Variants in MYO10 observed in about 807,000 individuals in gnomAD.
MYO10 encodes unconventional myosin-X.
A neutral mutation model predicts 257.3 loss-of-function variants in MYO10; 133 were observed. That is an observed-to-expected ratio of 0.52 (90% CI 0.45 to 0.60). MYO10 has a LOEUF of 0.60. MYO10 is among the 20% of genes least tolerant of loss of function. MYO10 has a pLI of 0.00. For missense variants in MYO10, 2,399 were observed against 2,635.7 expected (o/e 0.91, Z 1.97); for synonymous variants, 1,104 against 1,028.6 (o/e 1.07, Z -1.40).
Position 16,699,589 on chromosome 5 carries a change from G to T in MYO10, c.3433-16C>A. ...TATCTTCAAACTGGACCGAGAGAGA[G>T]AAGCCAACGGTGAGGGAAAAGGCCA... On this transcript the variant is annotated splice_polypyrimidine_tract_variant and intron_variant, in intron 25 of 40. Coordinates refer to ENST00000513610, the MANE Select transcript of MYO10 (RefSeq NM_012334.3). The T allele has an allele frequency of 6.2e-7, 1 of 1,613,080 alleles. No homozygotes were observed. Among genetic ancestry groups the T allele is most frequent in the Non-Finnish European group, 8.5e-7 (1 of 1,179,814 alleles).
At chr5:16,816,114 G>A (rs1318680778) in intron 3 of MYO10, among the ~76,000 whole-genome samples, 21 of 151,586 alleles carry the variant, frequency 1.4e-4, no homozygotes, top group African/African-American at 3.1e-4. Flanking sequence ...AGGCCGAGGC[G>A]GGCGGATCAC....
intron 2 of MYO10, among the ~76,000 whole-genome samples, chr5:16,847,676 G>C (rs1214572304): frequency 6.6e-6 from 1 of 152,096 alleles, no homozygotes; most frequent in Non-Finnish European, 1.5e-5. Flanking sequence ...ACTGGAGTGA[G>C]TCGTGATTGT....
chr5:16,714,161 T>C (rs2126584186), intron 19 of MYO10, among the ~76,000 whole-genome samples: 1 of 152,252 alleles, frequency 6.6e-6, no homozygotes, highest in East Asian at 1.9e-4. Flanking sequence ...GCGGAAAGCC[T>C]AATATTAAAC....
rs926942074 is a variant in MYO10 at position 16,777,796 on chromosome 5, G to T, written c.930+1749C>A. Among the ~76,000 whole-genome samples the T allele has an allele frequency of 3.5e-5, 5 of 142,000 alleles. No individual in the cohort carries two copies. The East Asian group carries it at 1.2e-3, about 34-fold the overall frequency. The allele number at this position is 142,000 out of a possible 152,430, so 93.2% of individuals were successfully genotyped here. A position where few individuals can be genotyped will look rare whatever the true frequency, so the allele number is the denominator to read the frequency against. On this transcript the variant is annotated intron_variant, in intron 9 of 40. Coordinates refer to ENST00000513610, the MANE Select transcript of MYO10 (RefSeq NM_012334.3). ...ACTAAATGTCAGCTGCATTTGTGAT[G>T]ATTAGAATGATAATGACGCCACCCT...
chr5:16,878,039 T>C (rs1439742481), intron 1 of MYO10, among the ~76,000 whole-genome samples: 1 of 152,158 alleles, frequency 6.6e-6, no homozygotes, highest in Non-Finnish European at 1.5e-5. Flanking sequence ...ATTTTACAGA[T>C]GGAGAACCAG....
chr5:16,697,250 G>A (rs1228584532), intron 26 of MYO10, among the ~76,000 whole-genome samples: 1 of 151,948 alleles, frequency 6.6e-6, no homozygotes, highest in South Asian at 2.1e-4. Flanking sequence ...TTTTCTAAGA[G>A]GAGCAGGTGA....
intron 1 of MYO10, among the ~76,000 whole-genome samples, chr5:16,934,835 G>A (rs957578022): frequency 6.6e-6 from 1 of 152,198 alleles, no homozygotes; most frequent in Non-Finnish European, 1.5e-5. Flanking sequence ...CTAACACAGA[G>A]GCAAGCCCTC....
At chr5:16,766,317 T>C (rs933534327) in intron 10 of MYO10, 119 bp from the exon 11 acceptor site, 40 of 722,316 alleles carry the variant, frequency 5.5e-5, no homozygotes, top group South Asian at 3.4e-5. Flanking sequence ...AGAGATTGCA[T>C]GTTATTGCTA....
intron 2 of MYO10, among the ~76,000 whole-genome samples, chr5:16,874,724 A>G (rs1744550218): frequency 1.3e-5 from 2 of 152,166 alleles, no homozygotes; most frequent in Non-Finnish European, 2.9e-5. Context: ...AAACTTCCCC[A>G]CATTTTCCTG....
At chr5:16,898,943 T>TA (rs1270896059) in intron 1 of MYO10, among the ~76,000 whole-genome samples, 1 of 69,972 alleles carries the variant, frequency 1.4e-5, no homozygotes, top group African/African-American at 4.1e-5. Flanking sequence ...CCTGGCCACC[T>TA]GGCCAACATG....
intron 17 of MYO10, 134 bp from the exon 18 acceptor site, chr5:16,758,360 G>T: frequency 1.5e-6 from 1 of 649,682 alleles, no homozygotes; most frequent in Non-Finnish European, 2.7e-6. Flanking sequence ...AACTAAGACA[G>T]CTTCCAAAGA....
intron 1 of MYO10, among the ~76,000 whole-genome samples, chr5:16,933,049 G>A (rs1746332733): frequency 6.6e-6 from 1 of 152,156 alleles, no homozygotes; most frequent in Admixed American, 6.5e-5. Context: ...TTGAGCCACC[G>A]CACCCGGCCA....
At chr5:16,890,886 T>C (rs1217177601) in intron 1 of MYO10, among the ~76,000 whole-genome samples, 2 of 151,794 alleles carry the variant, frequency 1.3e-5, no homozygotes, top group Non-Finnish European at 2.9e-5. Context: ...ATACATGCTA[T>C]AACATGGATG....
chr5:16,767,370 G>A (rs1033679111), intron 10 of MYO10, among the ~76,000 whole-genome samples: 4 of 151,240 alleles, frequency 2.6e-5, no homozygotes, highest in East Asian at 2.0e-4. Context: ...GGGTTTCACC[G>A]TATCGGCCTG....
chr5:16,877,799 T>G, intron 1 of MYO10, 92 bp from the exon 2 acceptor site: 1 of 897,566 alleles, frequency 1.1e-6, no homozygotes, highest in Non-Finnish European at 1.7e-6. Context: ...CTATATTCCT[T>G]TAAAAAAAAT....
Position 16,902,599 on chromosome 5 carries a change from G to A in MYO10, c.22-24892C>T, listed in dbSNP as rs61749526. ...CAGCGAATAGGCTGCACGTGGCCGC[G>A]GCCCTTTTTGGCACGACCATTGTTC... On this transcript the variant is annotated intron_variant, in intron 1 of 40. Coordinates refer to ENST00000513610, the MANE Select transcript of MYO10 (RefSeq NM_012334.3). The A allele has an allele frequency of 3.4e-4, 524 of 1,561,942 alleles. 1 individual carries two copies. The highest frequency in any genetic ancestry group is 4.2e-4 in the Non-Finnish European group (487 of 1,146,542).
intron 1 of MYO10, among the ~76,000 whole-genome samples, chr5:16,880,011 C>T (rs6882539): frequency 0.19 from 28,607 of 151,906 alleles, 4,980 homozygotes; most frequent in African/African-American, 0.46. Context: ...AACCGCGTGT[C>T]TACCAAAAAA....
chr5:16,678,069 C>G (rs27501), intron 33 of MYO10, among the ~76,000 whole-genome samples: 61,821 of 151,996 alleles, frequency 0.41, 13,299 homozygotes, highest in African/African-American at 0.55. Context: ...CTGAAAAATC[C>G]TATGTACTCT....
At chr5:16,929,101 C>A (rs868446891) in intron 1 of MYO10, among the ~76,000 whole-genome samples, 23 of 151,524 alleles carry the variant, frequency 1.5e-4, no homozygotes, top group South Asian at 4.2e-4. Flanking sequence ...TACAGGTGCC[C>A]GCCACCATGC....
Sources: allele counts gnomAD v4.1 joint callset (sites outside exome capture counted in the v4.1 genomes callset), GRCh38; gene constraint gnomAD v4.1.1; transcripts MANE v1.5; gene names NCBI Gene and HGNC (gene_info 2026-07-23, HGNC 2026-07-21).